Variants in SP4 observed in about 807,000 individuals in gnomAD.
SP4 encodes the protein transcription factor Sp4.
In SP4, 19 loss-of-function variants were observed where a neutral mutation model predicts 72.8. The observed-to-expected ratio is 0.26, with a 90% CI of 0.18 to 0.38. SP4 has a LOEUF of 0.38. Ranked by LOEUF, SP4 falls within the 10% of genes least tolerant of loss-of-function variation. The pLI, the probability that SP4 is intolerant of heterozygous loss-of-function variation, is 1.00. For missense variants in SP4, 1,008 were observed against 926.3 expected (o/e 1.09, Z -1.14); for synonymous variants, 395 against 333.1 (o/e 1.19, Z -2.02).
At chr7:21,475,208 G>A (rs1253755210) in intron 3 of SP4, among the ~76,000 whole-genome samples, 6 of 150,496 alleles carry the variant, frequency 4.0e-5, no homozygotes, top group African/African-American at 9.8e-5. Context: ...TCTGCCTCCC[G>A]GGTTCAAGCG....
At chr7:21,499,336 C>T (rs770931536) in intron 5 of SP4, among the ~76,000 whole-genome samples, 13 of 152,062 alleles carry the variant, frequency 8.5e-5, no homozygotes, top group Non-Finnish European at 4.4e-5. Context: ...TGAATGTGAC[C>T]TTATTTGGAA....
intron 3 of SP4, among the ~76,000 whole-genome samples, chr7:21,466,659 A>G (rs543157386): frequency 3.3e-5 from 5 of 152,326 alleles, no homozygotes; most frequent in African/African-American, 9.6e-5. Flanking sequence ...CATTTAAGAG[A>G]TACAGAAGGT....
chr7:21,490,587 G>A (rs536428049), intron 5 of SP4, among the ~76,000 whole-genome samples: 2 of 152,312 alleles, frequency 1.3e-5, no homozygotes, highest in South Asian at 2.1e-4. Context: ...CTAGCCGGAG[G>A]AACTAGAAGG....
chr7:21,445,988 ATGTGTGTGTGTGTGTGTG>A lies in SP4; in HGVS notation c.1678+15170_1678+15187del, dbSNP rs4000966. 9.0e-4 allele frequency among the ~76,000 whole-genome samples: 129 copies of A among 143,234 alleles called. 2 individuals carry two copies. Among genetic ancestry groups the A allele is most frequent in the East Asian group, 3.0e-3 (15 of 5,016 alleles). 94.0% of individuals were successfully genotyped at this position (143,234 alleles called of 152,430 possible). The stretch of plus-strand genomic sequence containing the variant: ...AGTTCATTTTGTGTATCTTATGTGT[ATGTGTGTGTGTGTGTGTG>A]TGTGTGTGTGTGTGTGTGTGTGTGC... On this transcript the variant is annotated intron_variant, in intron 3 of 5. Coordinates refer to ENST00000222584, the MANE Select transcript of SP4 (RefSeq NM_003112.5).
chr7:21,447,126 C>G (rs1397667099), intron 3 of SP4, among the ~76,000 whole-genome samples: 10 of 152,162 alleles, frequency 6.6e-5, no homozygotes. Flanking sequence ...CCAGCGGATA[C>G]AGACCTTGAA....
chr7:21,446,945 G>A (rs144739234), intron 3 of SP4, among the ~76,000 whole-genome samples: 25 of 151,972 alleles, frequency 1.6e-4, no homozygotes, highest in African/African-American at 5.6e-4. Context: ...CTAGGTTTAA[G>A]TCATTTTTAG....
intron 3 of SP4, among the ~76,000 whole-genome samples, chr7:21,451,482 T>C (rs561708909): frequency 2.0e-5 from 3 of 152,142 alleles, no homozygotes; most frequent in East Asian, 1.9e-4. Flanking sequence ...TTGGGGAAAA[T>C]GGATGGTCAG....
At chr7:21,450,073 C>G (rs909236300) in intron 3 of SP4, among the ~76,000 whole-genome samples, 5 of 152,044 alleles carry the variant, frequency 3.3e-5, no homozygotes, top group African/African-American at 1.2e-4. Flanking sequence ...TGTCCCACAT[C>G]TACCCATTTG....
chr7:21,429,244 C>T (rs1782743182), intron 2 of SP4, 45 bp from the exon 3 acceptor site: 7 of 1,147,018 alleles, frequency 6.1e-6, no homozygotes, highest in Non-Finnish European at 8.4e-6. Context: ...AATCCGCCCA[C>T]TTTTTTTCCC....
intron 5 of SP4, among the ~76,000 whole-genome samples, chr7:21,507,454 A>G (rs915209112): frequency 3.3e-5 from 5 of 151,910 alleles, no homozygotes; most frequent in East Asian, 3.9e-4. Flanking sequence ...CCTGTCCCCT[A>G]TTTTGTGAGA....
At chr7:21,434,007 A>G (rs1027305985) in intron 3 of SP4, among the ~76,000 whole-genome samples, 1 of 152,140 alleles carries the variant, frequency 6.6e-6, no homozygotes, top group Admixed American at 6.5e-5. Flanking sequence ...CTGTCTTGAC[A>G]AGGGGGAGAA....
At chr7:21,430,903 T>G (rs1782828282) in intron 3 of SP4, 60 bp downstream of exon 3, 2 of 1,274,738 alleles carry the variant, frequency 1.6e-6, no homozygotes, top group Non-Finnish European at 1.1e-6. Flanking sequence ...ATTATTGCTT[T>G]TCTCTCCTAA....
At chr7:21,455,793 A>G (rs75860448) in intron 3 of SP4, among the ~76,000 whole-genome samples, 10,022 of 152,208 alleles carry the variant, frequency 0.066, 367 homozygotes, top group African/African-American at 0.099. Context: ...GGGCCAGCCT[A>G]TATCTTTGTC....
At chr7:21,471,868 C>T (rs1435509519) in intron 3 of SP4, among the ~76,000 whole-genome samples, 3 of 152,010 alleles carry the variant, frequency 2.0e-5, no homozygotes, top group Admixed American at 1.3e-4. Flanking sequence ...AATATTTAGC[C>T]CATAGGGATG....
chr7:21,429,253 C>G (rs780240714), intron 2 of SP4, 36 bp from the exon 3 acceptor site: 9 of 114,312 alleles, frequency 7.9e-5, no homozygotes, highest in East Asian at 9.8e-4. Flanking sequence ...ACTTTTTTTC[C>G]CCCCCCCCTC....
At chr7:21,482,970 A>G (rs1784726455) in intron 5 of SP4, among the ~76,000 whole-genome samples, 1 of 152,084 alleles carries the variant, frequency 6.6e-6, no homozygotes. Flanking sequence ...GTTGATGAGA[A>G]CATGTGTGAG....
At chr7:21,495,382 T>G (rs1330166351) in intron 5 of SP4, among the ~76,000 whole-genome samples, 1 of 152,088 alleles carries the variant, frequency 6.6e-6, no homozygotes, top group African/African-American at 2.4e-5. Context: ...CTTAAGAAGT[T>G]TTAAACTCAG....
intron 3 of SP4, among the ~76,000 whole-genome samples, chr7:21,475,468 ATATTT>A (rs534734380): frequency 2.7e-5 from 4 of 149,586 alleles, no homozygotes; most frequent in African/African-American, 9.9e-5. Context: ...TTCTGCTAGC[ATATTT>A]TATTGTTATT....
chr7:21,484,341 A>T (rs532884240), intron 5 of SP4, among the ~76,000 whole-genome samples: 1 of 151,852 alleles, frequency 6.6e-6, no homozygotes, highest in East Asian at 1.9e-4. Context: ...TAATAATTTT[A>T]TGTGTGAAAG....
Sources: allele counts gnomAD v4.1 joint callset (sites outside exome capture counted in the v4.1 genomes callset), GRCh38; gene constraint gnomAD v4.1.1; transcripts MANE v1.5; gene names NCBI Gene and HGNC (gene_info 2026-07-23, HGNC 2026-07-21).